ASTN2: variants seen among roughly 807,000 people sequenced by gnomAD.
ASTN2 encodes astrotactin-2.
ASTN2 carries 54 observed loss-of-function variants against 139.8 expected under a neutral mutation model. The ratio of observed to expected loss-of-function variants is 0.39; its 90% confidence interval spans 0.31 to 0.48. The LOEUF is 0.48. Among genes scored for constraint, ASTN2 ranks in the 20% least tolerant of loss-of-function variants. The pLI is 0.95. For missense variants in ASTN2, 1,565 were observed against 1,725.1 expected, an observed-to-expected ratio of 0.91 and a Z score of 1.64; for synonymous variants, 756 against 719.5, an observed-to-expected ratio of 1.05 and a Z score of -0.81.
chr9:117,226,109 A>G (rs1832704838), intron 2 of ASTN2, among the ~76,000 whole-genome samples: 1 of 152,230 alleles, frequency 6.6e-6, no homozygotes, highest in African/African-American at 2.4e-5. Context: ...GTGAGGATAA[A>G]AAAGATTTTT....
At chr9:116,890,014 T>C (rs1209975363) in intron 10 of ASTN2, among the ~76,000 whole-genome samples, 1 of 152,206 alleles carries the variant, frequency 6.6e-6, no homozygotes, top group Non-Finnish European at 1.5e-5. Context: ...CTCTCCTCCT[T>C]ATTTTTCCAG....
At chr9:116,470,143 G>T (rs1301958598) in intron 20 of ASTN2, among the ~76,000 whole-genome samples, 2 of 152,124 alleles carry the variant, frequency 1.3e-5, no homozygotes, top group African/African-American at 4.8e-5. Context: ...GGCAGAGGTT[G>T]CAGTGAGCCA....
intron 1 of ASTN2, among the ~76,000 whole-genome samples, chr9:117,384,809 G>A (rs938186000): frequency 1.3e-5 from 2 of 152,178 alleles, no homozygotes; most frequent in African/African-American, 4.8e-5. Flanking sequence ...CTAGCAAAGG[G>A]AATGGGTGGA....
At chr9:117,191,870 G>A (rs564924089) in intron 3 of ASTN2, among the ~76,000 whole-genome samples, 1 of 152,138 alleles carries the variant, frequency 6.6e-6, no homozygotes, top group African/African-American at 2.4e-5. Flanking sequence ...AATGTGCAAG[G>A]GTCCCCAGAG....
rs550354807 is a variant in ASTN2 at position 116,976,764 on chromosome 9, C to T, written c.1613G>A (p.Gly538Asp). ...PETGECSCHEGYAPDPVHRHL... is the reference protein window; with the variant it reads ...PETGECSCHEDYAPDPVHRHL... ...TCTGTGAACAGGGTCAGGGGCATAGCCTTCATGACAGCTGCACTCTCCTGT... is the reference window on the plus strand; with the variant it reads ...TCTGTGAACAGGGTCAGGGGCATAGTCTTCATGACAGCTGCACTCTCCTGT... Residue 538 changes from glycine (G) to aspartate (D), a missense_variant, in exon 8 of 23, where the codon GGC becomes GAC. Coordinates refer to ENST00000313400, the MANE Select transcript of ASTN2 (RefSeq NM_001365068.1). The T allele has an allele frequency of 6.2e-7, 1 of 1,614,056 alleles. No homozygotes were observed. Among genetic ancestry groups the T allele is most frequent in the South Asian group, 1.1e-5 (1 of 91,072 alleles).
chr9:116,995,988 T>C (rs1265616356), intron 7 of ASTN2, among the ~76,000 whole-genome samples: 2 of 152,092 alleles, frequency 1.3e-5, no homozygotes, highest in African/African-American at 4.8e-5. Context: ...TACAGGTGCA[T>C]GCCACCATGC....
chr9:116,637,105 T>C (rs1857111526), intron 17 of ASTN2, among the ~76,000 whole-genome samples: 1 of 152,140 alleles, frequency 6.6e-6, no homozygotes, highest in South Asian at 2.1e-4. Flanking sequence ...TCCAGAACCA[T>C]GAGGAAATAA....
chr9:117,403,949 G>A (rs972090733), intron 1 of ASTN2, among the ~76,000 whole-genome samples: 1 of 152,086 alleles, frequency 6.6e-6, no homozygotes, highest in Non-Finnish European at 1.5e-5. Context: ...GGAGGCATAA[G>A]AGGAGCATGA....
chr9:116,856,242 T>C (rs1042518947), intron 11 of ASTN2, among the ~76,000 whole-genome samples: 2 of 152,330 alleles, frequency 1.3e-5, no homozygotes, highest in African/African-American at 4.8e-5. Flanking sequence ...GAATCTATCA[T>C]ACCCCATGTG....
chr9:116,814,155 T>A (rs890444025), intron 12 of ASTN2, among the ~76,000 whole-genome samples: 1 of 152,088 alleles, frequency 6.6e-6, no homozygotes, highest in African/African-American at 2.4e-5. Context: ...ATCCTATTAC[T>A]AAGGCAAGAA....
At chr9:116,630,616 T>TA (rs113197859) in intron 17 of ASTN2, among the ~76,000 whole-genome samples, 16 of 151,186 alleles carry the variant, frequency 1.1e-4, no homozygotes, top group Middle Eastern at 3.4e-3. Context: ...AATGACTTAA[T>TA]AAAAAAAAAT....
chr9:117,063,295 T>C (rs890816764), intron 5 of ASTN2, among the ~76,000 whole-genome samples: 3 of 152,310 alleles, frequency 2.0e-5, no homozygotes, highest in South Asian at 2.1e-4. Context: ...TGACTCTGTG[T>C]CCCCACCCAA....
At chr9:116,620,204 G>A (rs953751584) in intron 18 of ASTN2, 106 bp downstream of exon 18, 2 of 1,525,106 alleles carry the variant, frequency 1.3e-6, no homozygotes, top group Middle Eastern at 2.0e-4. Flanking sequence ...TGAGGATCTT[G>A]TTAGGCACCT....
At chr9:117,103,429 T>C (rs1040230973) in intron 4 of ASTN2, among the ~76,000 whole-genome samples, 2 of 152,194 alleles carry the variant, frequency 1.3e-5, no homozygotes, top group African/African-American at 4.8e-5. Context: ...ACCCCAGGTG[T>C]GCTCTGGGGC....
intron 16 of ASTN2, among the ~76,000 whole-genome samples, chr9:116,718,978 A>G (rs567800582): frequency 0.018 from 2,235 of 122,044 alleles, 276 homozygotes; most frequent in African/African-American, 0.09. Flanking sequence ...ATCTGTACAT[A>G]TATATATATA....
At chr9:116,796,992 T>TC (rs1830710935) in intron 13 of ASTN2, among the ~76,000 whole-genome samples, 1 of 151,766 alleles carries the variant, frequency 6.6e-6, no homozygotes. Context: ...AATTTTTCTT[T>TC]TTTTTTTTTG....
chr9:116,594,461 A>T (rs926284172), intron 19 of ASTN2, among the ~76,000 whole-genome samples: 1 of 152,236 alleles, frequency 6.6e-6, no homozygotes, highest in Admixed American at 6.5e-5. Context: ...CACTAGTATC[A>T]ACTCTACATG....
At chr9:116,609,408 T>TATATATATATA (rs56271805) in intron 19 of ASTN2, among the ~76,000 whole-genome samples, 1 of 134,458 alleles carries the variant, frequency 7.4e-6, no homozygotes. Flanking sequence ...TATATATATA[T>TATATATATATA]GAACAAAGAT....
chr9:116,992,893 A>T (rs1036215720), intron 7 of ASTN2, among the ~76,000 whole-genome samples: 1 of 152,158 alleles, frequency 6.6e-6, no homozygotes, highest in Non-Finnish European at 1.5e-5. Flanking sequence ...ATGAAATGCA[A>T]TATCTGGATT....
Sources: gnomAD v4.1 joint callset for allele counts (sites outside exome capture counted in the v4.1 genomes callset) on GRCh38, gnomAD v4.1.1 for gene constraint, MANE v1.5 for transcripts, NCBI Gene and HGNC (gene_info 2026-07-23, HGNC 2026-07-21) for gene names.